The following WIZ variants were observed in gnomAD, a reference collection of about 807,000 sequenced individuals.
The protein encoded by WIZ is protein Wiz.
A neutral mutation model predicts 140.2 loss-of-function variants in WIZ; 25 were observed. The observed-to-expected ratio is 0.18, with a 90% CI of 0.13 to 0.25. The LOEUF is 0.25. Among genes scored for constraint, WIZ ranks in the 10% least tolerant of loss-of-function variants. WIZ has a pLI of 1.00. For missense variants in WIZ, 2,231 were observed against 2,632.6 expected (o/e 0.85, Z 3.34); for synonymous variants, 1,125 against 1,154.3 (o/e 0.97, Z 0.51).
rs747290998 is a variant in WIZ at position 15,428,354 on chromosome 19, G to A, written c.3570C>T (p.His1190=). The change falls in exon 8 of 13, where the codon CAC becomes CAT. Residue 1190 remains histidine (H), a synonymous_variant. Coordinates refer to ENST00000673675, the MANE Select transcript of WIZ (RefSeq NM_001371589.1). The surrounding 1 kb of genome is among the most constrained non-coding windows in gnomAD (Gnocchi z 6.4). ...DAKGSPIDVL[H]GLIRRDGVQI... is the part of the protein sequence containing the mutation. The stretch of plus-strand genomic sequence containing the variant: ...GGACGCCGTCCCTCCTGATGAGCCC[G>A]TGGAGCACGTCTATGGGGGATCCCT... 2.1e-5 allele frequency: 33 copies of A among 1,535,232 alleles called. No individual in the cohort carries two copies. Among genetic ancestry groups the A allele is most frequent in the South Asian group, 1.3e-4 (11 of 84,028 alleles).
Position 15,424,210 on chromosome 19 carries a change from ACGAAC to A in WIZ, c.5478_5482del (p.Lys1826AsnfsTer13). ...GCATTTGAGGGTGTAGATGTTGCCC[ACGAAC>A]TTGACAAGTGATGTCTGGGGGGGCC... is the stretch of plus-strand genomic sequence containing the variant. On this transcript the variant is annotated frameshift_variant, in exon 12 of 13. Transcript: ENST00000673675. LOFTEE classifies it high-confidence loss of function. This position sits in a 1 kb window ranked among gnomAD's most constrained non-coding sequence, Gnocchi z 9.7. 2 of 1,564,074 alleles carry A rather than the reference ACGAAC, an allele frequency of 1.3e-6. No homozygotes were observed. The highest frequency in any genetic ancestry group is 2.0e-5 in the Admixed American group (1 of 51,048).
At position 15,429,916 on chromosome 19, in the gene WIZ, G is replaced by A. The variant is rs1470566654; in HGVS notation, c.3085C>T (p.His1029Tyr). 4 of 1,535,904 alleles carry A rather than the reference G, an allele frequency of 2.6e-6. No homozygotes were observed. The highest frequency in any genetic ancestry group is 3.5e-6 in the Non-Finnish European group (4 of 1,146,820). ...LVKQKGLPDA[H>Y]LGLPPGLAKK... Reference sequence around the variant, plus strand: ...GCCAGGCCTGGGGGCAGCCCAAGGTGGGCGTCAGGCAGACCCTTCTGCTTC... The same window carrying A: ...GCCAGGCCTGGGGGCAGCCCAAGGTAGGCGTCAGGCAGACCCTTCTGCTTC... Residue 1029 changes from histidine to tyrosine, a missense_variant, in exon 7 of 13, where the codon CAC (histidine) becomes TAC (tyrosine). Physicochemically the swap from His to Tyr is moderately conservative, Grantham distance 83. This residue lies in a region of WIZ where 163 missense variants were observed against 166.8 expected (regional missense o/e 0.98). Coordinates refer to ENST00000673675, the MANE Select transcript of WIZ (RefSeq NM_001371589.1).
At position 15,440,845 on chromosome 19, in the gene WIZ, G is replaced by A. The variant is rs1015334628; in HGVS notation, c.279-130C>T. ...TCCAGCCCGAGGGTGACAGGGGTGTGGGGGTGAGGGTGGGAGGTAGGGGGA... is the reference window on the plus strand; with the variant it reads ...TCCAGCCCGAGGGTGACAGGGGTGTAGGGGTGAGGGTGGGAGGTAGGGGGA... On this transcript the variant is annotated intron_variant, in intron 3 of 12. Coordinates refer to ENST00000673675, the MANE Select transcript of WIZ (RefSeq NM_001371589.1). This position sits in a 1 kb window ranked among gnomAD's most constrained non-coding sequence, Gnocchi z 6.2. The A allele has an allele frequency of 7.7e-6, 7 of 906,872 alleles. No homozygotes were observed. The highest frequency in any genetic ancestry group is 9.7e-6 in the Non-Finnish European group (6 of 620,628). 56.2% of individuals were successfully genotyped at this position (906,872 alleles called of 1,614,324 possible). A position where few individuals can be genotyped will look rare whatever the true frequency, so the allele number is the denominator to read the frequency against.
At chr19:15,441,419 C>G (rs1488623686) in intron 3 of WIZ, among the ~76,000 whole-genome samples, 3 of 152,200 alleles carry the variant, frequency 2.0e-5, no homozygotes, top group Admixed American at 6.5e-5. Context: ...ATCTGTGGAG[C>G]TTTCTCATAG....
chr19:15,435,163 A>T (rs1395488542), intron 5 of WIZ, among the ~76,000 whole-genome samples: 1 of 152,006 alleles, frequency 6.6e-6, no homozygotes, highest in Non-Finnish European at 1.5e-5. Context: ...GGCTGCAGTG[A>T]GCCGAGATGG....
chr19:15,433,280 C>A, intron 5 of WIZ: 6 of 985,460 alleles, frequency 6.1e-6, no homozygotes, highest in Non-Finnish European at 7.2e-6. Context: ...TTTCAATCAC[C>A]GCCTGCTTCT....
In WIZ at chr19:15,427,235, G is replaced by A; in HGVS notation, c.4113C>T (p.Ile1371=). The change falls in exon 9 of 13, where the codon ATC becomes ATT. Residue 1371 remains isoleucine, a synonymous_variant. Transcript: ENST00000673675. The surrounding 1 kb of genome is among the most constrained non-coding windows in gnomAD (Gnocchi z 6.4). ...GTGGCAACTTCTTGGCCAAGGGTGAGATGTGAAGGTCCGAGGGGCTGCGGG... is the reference window on the plus strand; with the variant it reads ...GTGGCAACTTCTTGGCCAAGGGTGAAATGTGAAGGTCCGAGGGGCTGCGGG... ...LEARSPSDLH[I]SPLAKKLPPP... 6.2e-7 allele frequency: 1 copy of A among 1,614,092 alleles called. No homozygotes were observed. The highest frequency in any genetic ancestry group is 8.5e-7 in the Non-Finnish European group (1 of 1,180,032).
chr19:15,447,669 C>T (rs1234644912), intron 2 of WIZ, among the ~76,000 whole-genome samples: 1 of 152,232 alleles, frequency 6.6e-6, no homozygotes, highest in African/African-American at 2.4e-5. Context: ...CAGCCTCTCC[C>T]TAGCCACTAC....
rs1010021909 is a variant in WIZ at position 15,420,719 on chromosome 19, C to T, written c.*2357G>A. On this transcript the variant is annotated 3_prime_UTR_variant, in exon 13 of 13. Transcript: ENST00000673675. ...GACTCTTCCAAGGACACACATGACC[C>T]TCACTTCACTGCATGATTGGTGGGG... 5 of 152,264 alleles carry T rather than the reference C, an allele frequency of 3.3e-5. No homozygotes were observed. The highest frequency in any genetic ancestry group is 6.5e-5 in the Admixed American group (1 of 15,288). 9.4% of individuals were successfully genotyped at this position (152,264 alleles called of 1,614,324 possible).
rs116890962 is a variant in WIZ, at chr19:15,444,015, C to T, written c.206-1267G>A. On this transcript the variant is annotated intron_variant, in intron 2 of 12. Transcript: ENST00000673675. ...ATCTCTGCCCGCCACACTTGCCTGA[C>T]GTGGGTAAGCTTGCCAATCGGGGAG... Among the ~76,000 whole-genome samples, 782 of 152,286 alleles carry T rather than the reference C, an allele frequency of 5.1e-3. 2 individuals carry two copies. Among genetic ancestry groups the T allele is most frequent in the Middle Eastern group, 0.014 (4 of 294 alleles).
At position 15,438,649 on chromosome 19, in the gene WIZ, C is replaced by G; in HGVS notation, c.2345G>C (p.Arg782Pro). Residue 782 changes from arginine to proline, a missense_variant, in exon 4 of 13, where the codon CGC (arginine) becomes CCC (proline). Around this residue, in one of 15 missense-constraint regions of WIZ, gnomAD observed 118 missense variants for 209.1 expected, o/e 0.56. Coordinates refer to ENST00000673675, the MANE Select transcript of WIZ (RefSeq NM_001371589.1). ...CACCTCCTCAGCGGAGATGAAATGGCGCACATTGTAGCTGACGCCCACGCG... is the reference window on the plus strand; with the variant it reads ...CACCTCCTCAGCGGAGATGAAATGGGGCACATTGTAGCTGACGCCCACGCG... The part of the protein sequence containing the change: ...LNRVGVSYNV[R>P]HFISAEEVKA... 1 of 1,535,502 alleles carries G rather than the reference C, an allele frequency of 6.5e-7. No homozygotes were observed. The highest frequency in any genetic ancestry group is 1.2e-5 in the South Asian group (1 of 84,042).
rs1343824891 is a variant in WIZ at position 15,438,919 on chromosome 19, G to A, written c.2075C>T (p.Pro692Leu). 9.0e-6 allele frequency: 13 copies of A among 1,445,692 alleles called. No homozygotes were observed. The highest frequency in any genetic ancestry group is 2.5e-5 in the East Asian group (1 of 39,992). The allele number at this position is 1,445,692 out of a possible 1,614,324, so 89.6% of individuals were successfully genotyped here. A position where few individuals can be genotyped will look rare whatever the true frequency, so the allele number is the denominator to read the frequency against. ...VPIVLVAKLG[P>L]QVMAAARVPP... ...CACCCTGGCTGCCGCCATGACCTGC[G>A]GCCCCAGCTTCGCCACGAGCACAAT... The change falls in exon 4 of 13, where the codon CCG becomes CTG. Residue 692 changes from proline (P) to leucine (L), a missense_variant. Pro to Leu is a moderately conservative substitution (Grantham distance 98, BLOSUM62 -3). This residue lies in a region of WIZ where 475 missense variants were observed against 520.2 expected (regional missense o/e 0.91). Coordinates refer to ENST00000673675, the MANE Select transcript of WIZ (RefSeq NM_001371589.1).
intron 1 of WIZ, 91 bp downstream of exon 1, chr19:15,449,707 G>A (rs1490713027): frequency 6.9e-6 from 1 of 145,128 alleles, no homozygotes; most frequent in Non-Finnish European, 1.5e-5. Context: ...GCCCCGGGGG[G>A]TCCCGCCTGG....
chr19:15,441,504 A>G (rs1969744408), intron 3 of WIZ, among the ~76,000 whole-genome samples: 1 of 152,080 alleles, frequency 6.6e-6, no homozygotes, highest in African/African-American at 2.4e-5. Flanking sequence ...CCTTTCAATG[A>G]CCCCGCAGGG....
intron 4 of WIZ, among the ~76,000 whole-genome samples, chr19:15,437,391 T>G (rs977059408): frequency 3.3e-4 from 50 of 152,306 alleles, no homozygotes; most frequent in African/African-American, 1.2e-3. Context: ...GGGCCAGGTG[T>G]GGTGGCTCAC....
Position 15,424,295 on chromosome 19 carries a change from C to G in WIZ, c.5398G>C (p.Glu1800Gln), listed in dbSNP as rs374739927. The G allele has an allele frequency of 2.1e-5, 33 of 1,596,434 alleles. No homozygotes were observed. The highest frequency in any genetic ancestry group is 9.3e-5 in the East Asian group (4 of 43,216). ...EDTNDLQQKL[E>Q]EVRQPPPRVR... ...CGGGGTGGGGGTTGCCGCACCTCCT[C>G]CAGCTTCTGCTGTAGGTCATTGGTG... The change falls in exon 12 of 13, where the codon GAG (glutamate) becomes CAG (glutamine). Residue 1800 changes from glutamate to glutamine, a missense_variant. Around this residue, in one of 15 missense-constraint regions of WIZ, gnomAD observed 299 missense variants for 309.6 expected, o/e 0.97. Transcript: ENST00000673675. The surrounding 1 kb of genome is among the most constrained non-coding windows in gnomAD (Gnocchi z 9.7).
chr19:15,448,432 C>G, intron 1 of WIZ, 65 bp from the exon 2 acceptor site: 1 of 1,225,226 alleles, frequency 8.2e-7, no homozygotes, highest in African/African-American at 1.5e-5. Context: ...AGTTTCCCAT[C>G]CCTCAAAACC....
At position 15,429,926 on chromosome 19, in the gene WIZ, C is replaced by T. The variant is rs1292278296; in HGVS notation, c.3075G>A (p.Leu1025=). ...LLYELVKQKG[L]PDAHLGLPPG... ...GGGGCAGCCCAAGGTGGGCGTCAGG[C>T]AGACCCTTCTGCTTCACAAGCTCGT... Residue 1025 remains leucine (L), a synonymous_variant, in exon 7 of 13, where the codon CTG becomes CTA. Coordinates refer to ENST00000673675, the MANE Select transcript of WIZ (RefSeq NM_001371589.1). 14 of 1,535,920 alleles carry T rather than the reference C, an allele frequency of 9.1e-6. No homozygotes were observed. Among genetic ancestry groups the T allele is most frequent in the Non-Finnish European group, 9.6e-6 (11 of 1,146,820 alleles).
chr19:15,431,277 G>T, intron 5 of WIZ, 95 bp from the exon 6 acceptor site: 2 of 1,376,456 alleles, frequency 1.5e-6, no homozygotes, highest in Middle Eastern at 1.9e-4. Flanking sequence ...CTTGATGTCC[G>T]CTCTCACTCT....
Sources: gnomAD v4.1 joint callset for allele counts (sites outside exome capture counted in the v4.1 genomes callset) on GRCh38, gnomAD v4.1.1 for gene constraint, gnomAD v4.1.1 regional missense constraint, Gnocchi (gnomAD v3.1) non-coding constraint, MANE v1.5 for transcripts, NCBI Gene and HGNC (gene_info 2026-07-23, HGNC 2026-07-21) for gene names.